DSCAM: variants seen among roughly 807,000 people sequenced by gnomAD.
DSCAM encodes DS cell adhesion molecule.
Under a neutral mutation model 217.7 loss-of-function variants are expected in DSCAM, and 47 were observed. The ratio of observed to expected loss-of-function variants is 0.22; its 90% CI spans 0.17 to 0.28. The LOEUF (loss-of-function observed/expected upper bound fraction) is 0.28, where lower values mean the gene tolerates loss of function less well. DSCAM is among the 10% of genes least tolerant of loss of function. DSCAM has a pLI of 1.00. For missense variants in DSCAM, 2,080 were observed against 2,618.3 expected (o/e 0.79, Z 4.49); for synonymous variants, 1,056 against 1,015.3 (o/e 1.04, Z -0.76).
At chr21:40,756,485 A>G (rs958907998) in intron 1 of DSCAM, among the ~76,000 whole-genome samples, 11 of 152,002 alleles carry the variant, frequency 7.2e-5, no homozygotes, top group Non-Finnish European at 1.3e-4. Context: ...TCTGCCTCCC[A>G]GGTTCAAGTG....
chr21:40,012,145 A>AG lies in DSCAM; in HGVS notation c.*888dup, dbSNP rs1246938091. ...GTTGAACTCTGGCCATGGGCAGGCAAGGGGCAGAGCTTTGCGACGGGCTTC... is the reference window on the plus strand; with the variant it reads ...GTTGAACTCTGGCCATGGGCAGGCAAGGGGGCAGAGCTTTGCGACGGGCTTC... On this transcript the variant is annotated 3_prime_UTR_variant, in exon 33 of 33. Transcript: ENST00000400454. 6.6e-6 allele frequency: 1 copy of AG among 152,220 alleles called. No individual in the cohort carries two copies. The highest frequency in any genetic ancestry group is 1.5e-5 in the Non-Finnish European group (1 of 68,034). 9.4% of individuals were successfully genotyped at this position (152,220 alleles called of 1,614,324 possible).
chr21:40,087,720 G>C (rs2089551006), intron 21 of DSCAM, among the ~76,000 whole-genome samples: 1 of 152,186 alleles, frequency 6.6e-6, no homozygotes, highest in African/African-American at 2.4e-5. Context: ...AGTAAAACTG[G>C]AACAAGTTCT....
chr21:40,298,670 G>C (rs1213257030), intron 9 of DSCAM, among the ~76,000 whole-genome samples: 1 of 152,062 alleles, frequency 6.6e-6, no homozygotes, highest in Non-Finnish European at 1.5e-5. Context: ...CAAAGTTGAA[G>C]ACACCATGCC....
At chr21:40,801,728 G>A (rs1311796973) in intron 1 of DSCAM, among the ~76,000 whole-genome samples, 2 of 152,200 alleles carry the variant, frequency 1.3e-5, no homozygotes, top group African/African-American at 2.4e-5. Flanking sequence ...ACACATGTCA[G>A]TATACATGTA....
intron 18 of DSCAM, among the ~76,000 whole-genome samples, chr21:40,141,291 A>C (rs1228925476): frequency 6.6e-6 from 1 of 152,206 alleles, no homozygotes; most frequent in Non-Finnish European, 1.5e-5. Flanking sequence ...GTGAGCACTC[A>C]TCAGGGATCA....
chr21:40,295,654 T>C (rs2073946329), intron 10 of DSCAM, among the ~76,000 whole-genome samples: 1 of 152,236 alleles, frequency 6.6e-6, no homozygotes, highest in Admixed American at 6.5e-5. Context: ...CTCATCTCTC[T>C]AAATACTGGG....
At chr21:40,608,197 A>G (rs1409901847) in intron 3 of DSCAM, among the ~76,000 whole-genome samples, 1 of 152,238 alleles carries the variant, frequency 6.6e-6, no homozygotes, top group Non-Finnish European at 1.5e-5. Flanking sequence ...TTATCCTAAA[A>G]ACGTGATGAC....
chr21:40,211,010 C>T (rs1403361948), intron 11 of DSCAM, among the ~76,000 whole-genome samples: 1 of 152,238 alleles, frequency 6.6e-6, no homozygotes, highest in Non-Finnish European at 1.5e-5. Context: ...TCCTATCTGT[C>T]TGTGTTTGCA....
intron 29 of DSCAM, among the ~76,000 whole-genome samples, chr21:40,052,862 G>A (rs568173312): frequency 1.1e-4 from 16 of 152,202 alleles, no homozygotes; most frequent in South Asian, 4.1e-4. Flanking sequence ...GCTTGGAGCA[G>A]GAGCTGCTGT....
At chr21:40,790,180 C>CTTTTTTTTTT (rs771986567) in intron 1 of DSCAM, among the ~76,000 whole-genome samples, 2 of 125,400 alleles carry the variant, frequency 1.6e-5, no homozygotes, top group Non-Finnish European at 1.7e-5. Context: ...TTCTTTCTTT[C>CTTTTTTTTTT]TTTTTTTTTT....
intron 3 of DSCAM, among the ~76,000 whole-genome samples, chr21:40,405,952 G>A (rs2075276274): frequency 6.6e-6 from 1 of 152,178 alleles, no homozygotes; most frequent in South Asian, 2.1e-4. Context: ...AGCCGAGATT[G>A]CACCACTGCA....
At chr21:40,205,870 C>A (rs924674361) in intron 11 of DSCAM, among the ~76,000 whole-genome samples, 7 of 152,200 alleles carry the variant, frequency 4.6e-5, no homozygotes, top group Non-Finnish European at 1.0e-4. Context: ...CCTATAGTTT[C>A]TCCTGAAGAA....
At chr21:40,172,353 A>G (rs1194023064) in intron 15 of DSCAM, among the ~76,000 whole-genome samples, 1 of 152,272 alleles carries the variant, frequency 6.6e-6, no homozygotes, top group African/African-American at 2.4e-5. Context: ...TAATAAGCGA[A>G]GACTATCTTT....
intron 27 of DSCAM, among the ~76,000 whole-genome samples, chr21:40,063,552 ATTC>A (rs991465898): frequency 4.3e-4 from 66 of 152,050 alleles, no homozygotes; most frequent in Non-Finnish European, 7.8e-4. Flanking sequence ...AATATAATTT[ATTC>A]TTTTTACACA....
intron 3 of DSCAM, among the ~76,000 whole-genome samples, chr21:40,410,516 C>G (rs1457278793): frequency 6.6e-6 from 1 of 151,654 alleles, no homozygotes; most frequent in African/African-American, 2.4e-5. Context: ...TATAAAGCCA[C>G]AGATGCAATA....
In DSCAM at chr21:40,013,006, T is replaced by G; in HGVS notation, c.*28A>C. On this transcript the variant is annotated 3_prime_UTR_variant, in exon 33 of 33. Transcript: ENST00000400454. Reference sequence around the variant, plus strand: ...TTGATTGAATTGTTTGAATTGTATTTACAACCGCTGTCCAGTCATGCTGTC... The same window carrying G: ...TTGATTGAATTGTTTGAATTGTATTGACAACCGCTGTCCAGTCATGCTGTC... 7.3e-7 allele frequency: 1 copy of G among 1,368,244 alleles called. No individual in the cohort carries two copies. The highest frequency in any genetic ancestry group is 9.5e-7 in the Non-Finnish European group (1 of 1,048,132). The allele number at this position is 1,368,244 out of a possible 1,614,324, so 84.8% of individuals were successfully genotyped here. A position where few individuals can be genotyped will look rare whatever the true frequency, so the allele number is the denominator to read the frequency against.
chr21:40,300,152 C>G (rs2073998722), intron 9 of DSCAM, among the ~76,000 whole-genome samples: 1 of 152,176 alleles, frequency 6.6e-6, no homozygotes, highest in African/African-American at 2.4e-5. Context: ...ATTTCACCCA[C>G]TCCCATCACG....
At chr21:40,652,500 T>A (rs1601823694) in intron 3 of DSCAM, among the ~76,000 whole-genome samples, 1 of 151,932 alleles carries the variant, frequency 6.6e-6, no homozygotes. Context: ...CCAGACTGAA[T>A]AACGAGCCCA....
At chr21:40,315,036 A>T (rs558801289) in intron 8 of DSCAM, among the ~76,000 whole-genome samples, 2 of 152,300 alleles carry the variant, frequency 1.3e-5, no homozygotes, top group South Asian at 4.1e-4. Flanking sequence ...GGGAGAAGGA[A>T]TACGTGAGGA....
Sources: allele counts gnomAD v4.1 joint callset (sites outside exome capture counted in the v4.1 genomes callset), GRCh38; gene constraint gnomAD v4.1.1; transcripts MANE v1.5; gene names NCBI Gene and HGNC (gene_info 2026-07-23, HGNC 2026-07-21).